ALG6: variants seen among roughly 807,000 people sequenced by gnomAD.
The protein encoded by ALG6 is dolichyl pyrophosphate Man9GlcNAc2 alpha-1,3-glucosyltransferase.
ALG6 carries 46 observed loss-of-function variants against 66.6 expected under a neutral mutation model. The ratio of observed to expected loss-of-function variants is 0.69; its 90% CI spans 0.55 to 0.88. The LOEUF (loss-of-function observed/expected upper bound fraction) is 0.88, where lower values mean the gene tolerates loss of function less well. Among genes scored for constraint, ALG6 ranks in the 40% least tolerant of loss-of-function variants. The pLI, the probability that ALG6 is intolerant of heterozygous loss-of-function variation, is 0.00. For missense variants in ALG6, 505 were observed against 586.8 expected (o/e 0.86, Z 1.44); for synonymous variants, 185 against 203.7 (o/e 0.91, Z 0.78).
At chr1:63,396,018 A>G (rs1477337237) in intron 2 of ALG6, among the ~76,000 whole-genome samples, 1 of 152,168 alleles carries the variant, frequency 6.6e-6, no homozygotes, top group East Asian at 1.9e-4. Context: ...TCTAAAGATG[A>G]TTTAAAGTAT....
At chr1:63,392,771 G>A (rs564305323) in intron 2 of ALG6, among the ~76,000 whole-genome samples, 73 of 152,104 alleles carry the variant, frequency 4.8e-4, no homozygotes, top group Non-Finnish European at 7.9e-4. Flanking sequence ...GGAAGGAATC[G>A]TTTTTTGCCC....
At chr1:63,368,516 A>G (rs1467121475) in intron 1 of ALG6, among the ~76,000 whole-genome samples, 1 of 150,214 alleles carries the variant, frequency 6.7e-6, no homozygotes, top group Non-Finnish European at 1.5e-5. Context: ...TTTTTTTTTA[A>G]TTGAGACAGA....
intron 12 of ALG6, among the ~76,000 whole-genome samples, chr1:63,423,587 T>G (rs1644599444): frequency 6.6e-6 from 1 of 152,232 alleles, no homozygotes; most frequent in African/African-American, 2.4e-5. Flanking sequence ...TCTGGATATT[T>G]TATATAAATG....
At chr1:63,414,846 G>A (rs1336950216) in intron 10 of ALG6, among the ~76,000 whole-genome samples, 1 of 152,130 alleles carries the variant, frequency 6.6e-6, no homozygotes, top group African/African-American at 2.4e-5. Context: ...CAAAACAGAA[G>A]TCACAAGGCA....
In ALG6 at chr1:63,412,062, G is replaced by A; in HGVS notation, c.816+1G>A. ...CCCGGTTGATCGTGGATTATTTGAG[G>A]CATGTTTAAACACTTTCCTCTCCTT... is the stretch of plus-strand genomic sequence containing the variant. On this transcript the variant is annotated splice_donor_variant, in intron 9 of 14. Transcript: ENST00000263440. LOFTEE classifies it high-confidence loss of function. 6.2e-7 allele frequency: 1 copy of A among 1,614,008 alleles called. No individual in the cohort carries two copies. The highest frequency in any genetic ancestry group is 1.1e-5 in the South Asian group (1 of 91,082).
chr1:63,371,138 T>A (rs770523590), intron 2 of ALG6, 79 bp downstream of exon 2: 1 of 949,884 alleles, frequency 1.1e-6, no homozygotes, highest in Non-Finnish European at 1.7e-6. Flanking sequence ...GTTTACCATT[T>A]TCTGACCAGT....
intron 12 of ALG6, among the ~76,000 whole-genome samples, chr1:63,427,470 A>T (rs1445160044): frequency 6.6e-6 from 1 of 152,182 alleles, no homozygotes; most frequent in Non-Finnish European, 1.5e-5. Flanking sequence ...TAATGATAAC[A>T]ATTATTCAAC....
chr1:63,431,848 A>T lies in ALG6; in HGVS notation c.1326+2722A>T, dbSNP rs190425773. Among the ~76,000 whole-genome samples the T allele has an allele frequency of 7.2e-5, 11 of 152,310 alleles. No homozygotes were observed. The East Asian group carries it at 1.9e-3, about 27-fold the overall frequency. On this transcript the variant is annotated intron_variant, in intron 14 of 14. Transcript: ENST00000263440. ...TTTTCATAATGTTCATTGCTACTAT[A>T]TACAAATATATTTTTGTATATTCAA...
At chr1:63,374,077 A>G (rs1402416095) in intron 2 of ALG6, among the ~76,000 whole-genome samples, 2 of 152,356 alleles carry the variant, frequency 1.3e-5, no homozygotes, top group East Asian at 3.9e-4. Flanking sequence ...TTCGATTTAC[A>G]AATGGAAAAT....
At chr1:63,369,109 T>G (rs1342707167) in intron 1 of ALG6, among the ~76,000 whole-genome samples, 1 of 152,222 alleles carries the variant, frequency 6.6e-6, no homozygotes, top group Non-Finnish European at 1.5e-5. Flanking sequence ...CTGAAAATTA[T>G]GTGTGTGAGA....
At chr1:63,407,537 C>G (rs1184879464) in intron 7 of ALG6, among the ~76,000 whole-genome samples, 3 of 151,890 alleles carry the variant, frequency 2.0e-5, no homozygotes, top group African/African-American at 4.8e-5. Context: ...ATAGTAGTAG[C>G]TAGAAGCTTC....
chr1:63,389,359 C>T (rs574377278), intron 2 of ALG6, among the ~76,000 whole-genome samples: 1 of 152,266 alleles, frequency 6.6e-6, no homozygotes, highest in East Asian at 1.9e-4. Context: ...ATCAATTCTG[C>T]TGTTGAGAGA....
chr1:63,400,339 A>ACG lies in ALG6; in HGVS notation c.168-1915_168-1914insCG, dbSNP rs1557587887. Among the ~76,000 whole-genome samples, 25 of 38,708 alleles carry ACG rather than the reference A, an allele frequency of 6.5e-4. 10 individuals carry two copies. Among genetic ancestry groups the ACG allele is most frequent in the Middle Eastern group, 0.027 (2 of 74 alleles). 25.4% of individuals were successfully genotyped at this position (38,708 alleles called of 152,430 possible). On this transcript the variant is annotated intron_variant, in intron 3 of 14. Coordinates refer to ENST00000263440, the MANE Select transcript of ALG6 (RefSeq NM_013339.4). ...TATATACGTATATATATATATACGT[A>ACG]TATATATATGTATATATATATGTAT...
intron 3 of ALG6, among the ~76,000 whole-genome samples, chr1:63,398,877 A>G (rs2100407329): frequency 6.6e-6 from 1 of 152,288 alleles, no homozygotes; most frequent in African/African-American, 2.4e-5. Context: ...AAATAGTTAT[A>G]CTAATTTTCT....
intron 4 of ALG6, 80 bp downstream of exon 4, chr1:63,402,423 C>A (rs1180826456): frequency 7.1e-6 from 5 of 702,628 alleles, no homozygotes; most frequent in East Asian, 6.2e-5. Context: ...ATGGGGCTTT[C>A]TTGACTAGAG....
chr1:63,427,787 C>CTTTT (rs540658412), intron 12 of ALG6, among the ~76,000 whole-genome samples: 7 of 109,946 alleles, frequency 6.4e-5, no homozygotes, highest in East Asian at 2.5e-4. Flanking sequence ...CCCTAAACAA[C>CTTTT]TTTTTTTTTT....
At chr1:63,377,212 C>T (rs371338672) in intron 2 of ALG6, among the ~76,000 whole-genome samples, 4 of 152,116 alleles carry the variant, frequency 2.6e-5, no homozygotes, top group Non-Finnish European at 4.4e-5. Flanking sequence ...TCCACCACCT[C>T]GGCCTCCCAA....
At chr1:63,386,589 GT>G (rs919584682) in intron 2 of ALG6, among the ~76,000 whole-genome samples, 11 of 152,150 alleles carry the variant, frequency 7.2e-5, no homozygotes, top group African/African-American at 2.6e-4. Context: ...AGGCTGTCCA[GT>G]TTTTTGGCAT....
At chr1:63,408,147 C>T (rs182390496) in intron 7 of ALG6, among the ~76,000 whole-genome samples, 1,902 of 152,202 alleles carry the variant, frequency 0.012, 22 homozygotes, top group Non-Finnish European at 0.02. Context: ...CAAAAACTAC[C>T]CTTGTACACC....
Sources: gnomAD v4.1 joint callset for allele counts (sites outside exome capture counted in the v4.1 genomes callset) on GRCh38, gnomAD v4.1.1 for gene constraint, MANE v1.5 for transcripts, NCBI Gene and HGNC (gene_info 2026-07-23, HGNC 2026-07-21) for gene names.